Variants in ADAM29 observed in about 807,000 individuals in gnomAD.
The protein encoded by ADAM29 is disintegrin and metalloproteinase domain-containing protein 29.
For synonymous variants in ADAM29, 367 were observed against 342.3 expected (o/e 1.07, Z -0.80); for missense variants, 969 against 1,001.8 (o/e 0.97, Z 0.44).
At position 174,978,091 on chromosome 4, in the gene ADAM29, T is replaced by C. The variant is rs2111134865; in HGVS notation, c.*103T>C. 5 of 1,537,352 alleles carry C rather than the reference T, an allele frequency of 3.3e-6. No individual in the cohort carries two copies. The South Asian group carries it at 5.0e-5, about 15-fold the overall frequency. On this transcript the variant is annotated 3_prime_UTR_variant, in exon 5 of 5. Transcript: ENST00000359240. The stretch of plus-strand genomic sequence containing the variant: ...CCAGAGTCAACCTCATGTGACACCT[T>C]ACCGGAGTAAAAGTGGTAAACAAAA...
chr4:174,975,978 G>A lies in ADAM29; in HGVS notation c.453G>A (p.Lys151=). The change falls in exon 5 of 5, where the codon AAG becomes AAA. Residue 151 remains lysine, a synonymous_variant. Coordinates refer to ENST00000359240, the MANE Select transcript of ADAM29 (RefSeq NM_014269.4). ...FSTTFEHLVY[K]MDSEEKQFST... is the part of the protein sequence containing the mutation. ...CCACGTTTGAACATCTGGTATACAA[G>A]ATGGACAGTGAGGAGAAACAATTTT... is the stretch of plus-strand genomic sequence containing the variant. 1 of 1,614,072 alleles carries A rather than the reference G, an allele frequency of 6.2e-7. No individual in the cohort carries two copies. The highest frequency in any genetic ancestry group is 8.5e-7 in the Non-Finnish European group (1 of 1,180,022).
Position 174,977,659 on chromosome 4 carries a change from A to AC in ADAM29, c.2135dup (p.Pro713SerfsTer15). The AC allele has an allele frequency of 6.2e-7, 1 of 1,614,230 alleles. No individual in the cohort carries two copies. Reference sequence around the variant, plus strand: ...AATAAAAAAGCAGCAAGATGTTCAAACTCCATCTGCAAAAGAAGAGGAAAA... The same window carrying AC: ...AATAAAAAAGCAGCAAGATGTTCAAACCTCCATCTGCAAAAGAAGAGGAAAA... On this transcript the variant is annotated frameshift_variant, in exon 5 of 5. Transcript: ENST00000359240. LOFTEE classifies it low-confidence loss of function (END_TRUNC).
chr4:174,945,319 A>G (rs1301095863), intron 4 of ADAM29, among the ~76,000 whole-genome samples: 2 of 151,974 alleles, frequency 1.3e-5, no homozygotes, highest in Non-Finnish European at 2.9e-5. Context: ...TGCTTATGTC[A>G]TTTGAACACT....
At chr4:174,940,993 T>C (rs1251319184) in intron 4 of ADAM29, among the ~76,000 whole-genome samples, 1 of 152,210 alleles carries the variant, frequency 6.6e-6, no homozygotes, top group East Asian at 1.9e-4. Context: ...TAAGTTTCTA[T>C]GTTTTAATCT....
chr4:174,959,643 A>T (rs577213763), intron 4 of ADAM29, among the ~76,000 whole-genome samples: 2 of 151,734 alleles, frequency 1.3e-5, no homozygotes, highest in African/African-American at 4.8e-5. Flanking sequence ...TAAATTTTTA[A>T]TATTTCTCCA....
intron 4 of ADAM29, among the ~76,000 whole-genome samples, chr4:174,953,007 C>G (rs995397169): frequency 2.0e-5 from 3 of 152,184 alleles, no homozygotes; most frequent in African/African-American, 7.2e-5. Context: ...GAATGCTAGG[C>G]TGGGCGCGAT....
intron 2 of ADAM29, among the ~76,000 whole-genome samples, chr4:174,929,418 A>C (rs1743709818): frequency 6.6e-6 from 1 of 152,166 alleles, no homozygotes; most frequent in Non-Finnish European, 1.5e-5. Flanking sequence ...TGAGGTCCTT[A>C]TCACACAGCT....
At chr4:174,952,357 C>T (rs1300840690) in intron 4 of ADAM29, among the ~76,000 whole-genome samples, 1 of 142,398 alleles carries the variant, frequency 7.0e-6, no homozygotes, top group Non-Finnish European at 1.5e-5. Flanking sequence ...TAACCACACA[C>T]ACACACACAC....
At chr4:174,921,041 C>T (rs992465493) in intron 2 of ADAM29, among the ~76,000 whole-genome samples, 16 of 151,862 alleles carry the variant, frequency 1.1e-4, no homozygotes, top group Non-Finnish European at 2.1e-4. Context: ...TGAAGAAGTT[C>T]AAAGAGAATA....
intron 4 of ADAM29, among the ~76,000 whole-genome samples, chr4:174,948,998 G>T (rs1414929050): frequency 2.0e-5 from 3 of 152,258 alleles, no homozygotes; most frequent in East Asian, 3.9e-4. Context: ...TCAGCGAGGG[G>T]AAACTGGGTG....
intron 4 of ADAM29, among the ~76,000 whole-genome samples, chr4:174,970,622 A>G (rs1185169809): frequency 6.6e-6 from 1 of 152,178 alleles, no homozygotes; most frequent in Non-Finnish European, 1.5e-5. Context: ...CTACAGAACT[A>G]TAAGGTAATA....
intron 4 of ADAM29, among the ~76,000 whole-genome samples, chr4:174,964,350 T>C (rs986481636): frequency 1.3e-5 from 2 of 151,958 alleles, no homozygotes; most frequent in African/African-American, 2.4e-5. Context: ...GTGGGAAGGT[T>C]TCAAGAGAAA....
intron 3 of ADAM29, among the ~76,000 whole-genome samples, chr4:174,934,864 C>T (rs1336494168): frequency 6.6e-6 from 1 of 151,962 alleles, no homozygotes; most frequent in Non-Finnish European, 1.5e-5. Flanking sequence ...TAATTAGATG[C>T]AAAAAGATAG....
chr4:174,963,691 T>A (rs1579069171), intron 4 of ADAM29, among the ~76,000 whole-genome samples: 2 of 61,982 alleles, frequency 3.2e-5, no homozygotes, highest in Non-Finnish European at 3.4e-5. Context: ...GGTTTTTTTA[T>A]TTTTTTTCTG....
At chr4:174,937,531 A>T (rs58854343) in intron 4 of ADAM29, among the ~76,000 whole-genome samples, 32,563 of 151,824 alleles carry the variant, frequency 0.21, 4,254 homozygotes, top group East Asian at 0.55. Flanking sequence ...CATCTCTCCC[A>T]TTTCATCAGG....
intron 3 of ADAM29, among the ~76,000 whole-genome samples, chr4:174,934,580 CA>C: frequency 6.6e-6 from 1 of 152,114 alleles, no homozygotes; most frequent in East Asian, 1.9e-4. Flanking sequence ...TTTCTATAAC[CA>C]AAACTCTTCT....
chr4:174,971,672 CA>C (rs1746487495), intron 4 of ADAM29, among the ~76,000 whole-genome samples: 1 of 152,110 alleles, frequency 6.6e-6, no homozygotes, highest in African/African-American at 2.4e-5. Flanking sequence ...CAATGTGTCT[CA>C]ATGTTGATTT....
intron 1 of ADAM29, among the ~76,000 whole-genome samples, chr4:174,919,913 G>T (rs750698677): frequency 3.3e-5 from 5 of 152,102 alleles, no homozygotes; most frequent in African/African-American, 4.8e-5. Context: ...GGGCATTTTA[G>T]GAGTCATTTT....
chr4:174,972,530 A>T (rs1428872970), intron 4 of ADAM29, among the ~76,000 whole-genome samples: 1 of 152,150 alleles, frequency 6.6e-6, no homozygotes, highest in Non-Finnish European at 1.5e-5. Flanking sequence ...GAGATCCAAG[A>T]GTGGCAAGTC....
Sources: gnomAD v4.1 joint callset for allele counts (sites outside exome capture counted in the v4.1 genomes callset) on GRCh38, gnomAD v4.1.1 for gene constraint, MANE v1.5 for transcripts, NCBI Gene and HGNC (gene_info 2026-07-23, HGNC 2026-07-21) for gene names.